The following LY86 variants were observed in gnomAD, a reference collection of about 807,000 sequenced individuals.
The protein encoded by LY86 is MD-1, RP105-associated.
In LY86, 20 loss-of-function variants were observed where a neutral mutation model predicts 17.3. That is an observed-to-expected ratio of 1.15 (90% CI 0.81 to 1.68). The LOEUF is 1.68. LY86 is among the 40% of genes most tolerant of loss of function. The pLI is 0.00. For synonymous variants in LY86, 74 were observed against 70.6 expected (o/e 1.05, Z -0.24); for missense variants, 200 against 191.9 (o/e 1.04, Z -0.25).
intron 4 of LY86, among the ~76,000 whole-genome samples, chr6:6,653,166 G>T (rs189124182): frequency 1.3e-5 from 2 of 152,254 alleles, no homozygotes; most frequent in Admixed American, 1.3e-4. Flanking sequence ...AGCACAGCCT[G>T]GTTCTCTTGA....
chr6:6,605,718 G>A (rs1301952047), intron 1 of LY86, among the ~76,000 whole-genome samples: 5 of 146,494 alleles, frequency 3.4e-5, no homozygotes, highest in Admixed American at 2.7e-4. Context: ...GAACCTCGCG[G>A]TGAGTGTTAC....
intron 1 of LY86, among the ~76,000 whole-genome samples, chr6:6,599,171 C>T (rs569240534): frequency 2.6e-5 from 4 of 152,326 alleles, no homozygotes; most frequent in African/African-American, 9.6e-5. Flanking sequence ...AGGCTCCGTG[C>T]TCATCTAATG....
At chr6:6,633,383 A>C (rs1423577556) in intron 3 of LY86, among the ~76,000 whole-genome samples, 1 of 152,176 alleles carries the variant, frequency 6.6e-6, no homozygotes, top group Non-Finnish European at 1.5e-5. Context: ...CTTTTTAAAA[A>C]TTGTTTTATA....
At chr6:6,654,484 G>A (rs1762231374) in intron 4 of LY86, 60 bp from the exon 5 acceptor site, 1 of 1,278,098 alleles carries the variant, frequency 7.8e-7, no homozygotes. Flanking sequence ...GTAAATATTT[G>A]TTAAATGGTT....
At chr6:6,598,213 G>A (rs188400027) in intron 1 of LY86, among the ~76,000 whole-genome samples, 25 of 152,186 alleles carry the variant, frequency 1.6e-4, no homozygotes, top group Admixed American at 1.4e-3. Flanking sequence ...ACATCTAATC[G>A]AATATAGCAG....
intron 1 of LY86, among the ~76,000 whole-genome samples, chr6:6,608,698 A>G (rs1761257966): frequency 1.3e-5 from 2 of 152,272 alleles, no homozygotes; most frequent in Admixed American, 6.5e-5. Flanking sequence ...AAAAGGCTGA[A>G]CAATATCCAA....
chr6:6,591,060 G>T (rs2113067984), intron 1 of LY86: 1 of 153,868 alleles, frequency 6.5e-6, no homozygotes, highest in Non-Finnish European at 1.5e-5. Flanking sequence ...TGCAGGATGA[G>T]AAGCAAGATG....
intron 3 of LY86, among the ~76,000 whole-genome samples, chr6:6,634,795 G>T (rs562410949): frequency 6.6e-6 from 1 of 152,268 alleles, no homozygotes; most frequent in African/African-American, 2.4e-5. Context: ...CTCTATTTCT[G>T]TTTCAATGTG....
intron 1 of LY86, among the ~76,000 whole-genome samples, chr6:6,600,292 G>T (rs956147869): frequency 7.2e-5 from 11 of 152,102 alleles, no homozygotes; most frequent in African/African-American, 2.7e-4. Flanking sequence ...GATGCCTGAT[G>T]AAAATATAGC....
intron 1 of LY86, among the ~76,000 whole-genome samples, chr6:6,599,687 G>A (rs896045483): frequency 2.6e-5 from 4 of 152,212 alleles, no homozygotes; most frequent in South Asian, 4.1e-4. Flanking sequence ...ACAGGCAGAC[G>A]GGGTTCCCTT....
Position 6,624,987 on chromosome 6 carries a change from C to A in LY86, c.198C>A (p.Ile66=). The change falls in exon 2 of 5, where the codon ATC becomes ATA. Residue 66 remains isoleucine (I), a synonymous_variant. Coordinates refer to ENST00000230568, the MANE Select transcript of LY86 (RefSeq NM_004271.4). Reference sequence around the variant, plus strand: ...GTTCCAAGCAATTAAAATCAAATATCAACATTAGATTTGGAATTATTCTGA... The same window carrying A: ...GTTCCAAGCAATTAAAATCAAATATAAACATTAGATTTGGAATTATTCTGA... The part of the protein sequence containing the change: ...EKCSKQLKSN[I]NIRFGIILRE... The A allele has an allele frequency of 6.5e-7, 1 of 1,534,756 alleles. No homozygotes were observed. Among genetic ancestry groups the A allele is most frequent in the Non-Finnish European group, 9.0e-7 (1 of 1,117,026 alleles).
intron 3 of LY86, among the ~76,000 whole-genome samples, chr6:6,633,143 C>T (rs1357751987): frequency 6.6e-6 from 1 of 152,172 alleles, no homozygotes; most frequent in African/African-American, 2.4e-5. Context: ...GCCTGAAACT[C>T]AGGTATCACC....
intron 3 of LY86, among the ~76,000 whole-genome samples, chr6:6,635,017 T>C (rs1761942351): frequency 6.6e-6 from 1 of 152,230 alleles, no homozygotes; most frequent in Admixed American, 6.5e-5. Flanking sequence ...ACAACCTCTC[T>C]AAAGCATGCT....
chr6:6,611,707 T>G (rs970434949), intron 1 of LY86, among the ~76,000 whole-genome samples: 3 of 152,180 alleles, frequency 2.0e-5, no homozygotes, highest in Non-Finnish European at 4.4e-5. Context: ...TGTCCCCCCT[T>G]TCTCCTGAAA....
At chr6:6,612,534 A>C (rs1021004850) in intron 1 of LY86, among the ~76,000 whole-genome samples, 9 of 152,188 alleles carry the variant, frequency 5.9e-5, no homozygotes, top group African/African-American at 2.2e-4. Flanking sequence ...CAAACCAACC[A>C]CACAAAAGCA....
intron 1 of LY86, among the ~76,000 whole-genome samples, chr6:6,593,902 T>A (rs993000451): frequency 2.0e-5 from 3 of 152,220 alleles, no homozygotes; most frequent in Non-Finnish European, 2.9e-5. Context: ...GAATCCTCCA[T>A]GAATATAGCA....
chr6:6,615,864 A>T (rs949020369), intron 1 of LY86, among the ~76,000 whole-genome samples: 3 of 152,182 alleles, frequency 2.0e-5, no homozygotes, highest in African/African-American at 7.2e-5. Flanking sequence ...CTATCTCAAA[A>T]AATAATAATA....
chr6:6,593,411 T>A (rs1238565385), intron 1 of LY86, among the ~76,000 whole-genome samples: 1 of 133,252 alleles, frequency 7.5e-6, no homozygotes, highest in African/African-American at 2.7e-5. Context: ...AAGTCTCTTT[T>A]GCCAAGTAAG....
intron 3 of LY86, among the ~76,000 whole-genome samples, chr6:6,643,691 TAC>T (rs140691434): frequency 0.054 from 8,177 of 152,162 alleles, 296 homozygotes; most frequent in African/African-American, 0.098. Flanking sequence ...CAAGCATGCA[TAC>T]ACACAAAAAC....
Sources: allele counts gnomAD v4.1 joint callset (sites outside exome capture counted in the v4.1 genomes callset), GRCh38; gene constraint gnomAD v4.1.1; transcripts MANE v1.5; gene names NCBI Gene and HGNC (gene_info 2026-07-23, HGNC 2026-07-21).